Variants in INSC observed in about 807,000 individuals in gnomAD.
The protein encoded by INSC is protein inscuteable homolog.
INSC carries 67 observed loss-of-function variants against 58.6 expected under a neutral mutation model. That is an observed-to-expected ratio of 1.14 (90% CI 0.94 to 1.40). The LOEUF (loss-of-function observed/expected upper bound fraction) is 1.40, where lower values mean the gene tolerates loss of function less well. INSC is among the 40% of genes most tolerant of loss of function. The probability of loss-of-function intolerance (pLI) is 0.00; values close to 1 mark genes in which losing one functional copy is unlikely to be tolerated. For missense variants in INSC, 714 were observed against 692.0 expected (o/e 1.03, Z -0.36); for synonymous variants, 262 against 276.1 (o/e 0.95, Z 0.51).
chr11:15,207,753 C>CA (rs1200396016), intron 7 of INSC, among the ~76,000 whole-genome samples: 1 of 151,982 alleles, frequency 6.6e-6, no homozygotes, highest in Non-Finnish European at 1.5e-5. Flanking sequence ...TTAATTTTTG[C>CA]AAAAAATAAA....
intron 1 of INSC, among the ~76,000 whole-genome samples, chr11:15,120,985 A>G (rs1455774535): frequency 2.6e-5 from 4 of 151,464 alleles, no homozygotes; most frequent in Admixed American, 2.0e-4. Context: ...TATTATTTGC[A>G]TATATTTTTA....
At chr11:15,192,152 C>T (rs1192188051) in intron 6 of INSC, among the ~76,000 whole-genome samples, 2 of 152,206 alleles carry the variant, frequency 1.3e-5, no homozygotes, top group Admixed American at 6.5e-5. Flanking sequence ...TCTCCCTCTC[C>T]CAGGCTGAAG....
Position 15,238,864 on chromosome 11 carries a change from A to T in INSC, c.1238-55A>T. ...TGCAGCCATCTGTCCAGCTGGCCCCATGGGGAAGGCTCCATGCTGGGGTAG... is the reference window on the plus strand; with the variant it reads ...TGCAGCCATCTGTCCAGCTGGCCCCTTGGGGAAGGCTCCATGCTGGGGTAG... On this transcript the variant is annotated intron_variant, in intron 10 of 12. Transcript: ENST00000379556. 6 of 1,571,940 alleles carry T rather than the reference A, an allele frequency of 3.8e-6. No individual in the cohort carries two copies. In the South Asian group the frequency reaches 7.1e-5, roughly 19 times the overall value.
intron 7 of INSC, among the ~76,000 whole-genome samples, chr11:15,218,595 T>G (rs537238586): frequency 6.6e-6 from 1 of 152,272 alleles, no homozygotes; most frequent in East Asian, 1.9e-4. Flanking sequence ...TATATTTCCC[T>G]TTTGAAGGGA....
At chr11:15,235,705 A>G in intron 10 of INSC, 37 bp downstream of exon 10, 2 of 1,534,028 alleles carry the variant, frequency 1.3e-6, no homozygotes, top group Non-Finnish European at 1.8e-6. Flanking sequence ...TATGTGGATT[A>G]TCTGGATGTA....
At chr11:15,239,333 A>T (rs1392952429) in intron 11 of INSC, among the ~76,000 whole-genome samples, 1 of 152,142 alleles carries the variant, frequency 6.6e-6, no homozygotes, top group African/African-American at 2.4e-5. Flanking sequence ...TGTTAATAAG[A>T]ACCCCATTCT....
chr11:15,220,341 C>G (rs1851389974), intron 7 of INSC, among the ~76,000 whole-genome samples: 1 of 152,146 alleles, frequency 6.6e-6, no homozygotes, highest in African/African-American at 2.4e-5. Flanking sequence ...TGCTTGGTGG[C>G]ATGGTCCCCA....
chr11:15,134,373 T>G (rs1848193679), intron 1 of INSC, among the ~76,000 whole-genome samples: 1 of 152,196 alleles, frequency 6.6e-6, no homozygotes, highest in African/African-American at 2.4e-5. Context: ...TAGAATGACC[T>G]GACTATAGTA....
At position 15,178,184 on chromosome 11, in the gene INSC, A is replaced by C. The variant is rs186598847; in HGVS notation, c.456-140A>C. On this transcript the variant is annotated intron_variant, in intron 4 of 12. Transcript: ENST00000379556. ...GACCAGTGGGCAAGCCAGCTGTGGA[A>C]TATTCCATCTCTGACTCCCAGTTGC... The C allele has an allele frequency of 7.9e-6, 9 of 1,135,410 alleles. No homozygotes were observed. The Admixed American group carries it at 1.6e-4, about 20-fold the overall frequency. The allele number at this position is 1,135,410 out of a possible 1,614,324, so 70.3% of individuals were successfully genotyped here. A position where few individuals can be genotyped will look rare whatever the true frequency, so the allele number is the denominator to read the frequency against.
chr11:15,145,632 G>T (rs1281946797), intron 1 of INSC, among the ~76,000 whole-genome samples: 1 of 152,132 alleles, frequency 6.6e-6, no homozygotes, highest in Non-Finnish European at 1.5e-5. Context: ...TCCCTTTAGG[G>T]CCTATCTCTG....
chr11:15,221,769 A>G (rs1851451757), intron 8 of INSC, 121 bp downstream of exon 8: 1 of 865,154 alleles, frequency 1.2e-6, no homozygotes, highest in African/African-American at 1.7e-5. Context: ...TCCTGCATAG[A>G]TGATCATATT....
At position 15,177,168 on chromosome 11, in the gene INSC, A is replaced by G. The variant is rs1564886280; in HGVS notation, c.455+5A>G. The G allele has an allele frequency of 6.2e-7, 1 of 1,613,514 alleles. No homozygotes were observed. The highest frequency in any genetic ancestry group is 1.3e-5 in the African/African-American group (1 of 75,024). On this transcript the variant is annotated splice_donor_5th_base_variant and intron_variant, in intron 4 of 12. Transcript: ENST00000379556. ...GCTCTCGGCAGTCACAGAGAGGTAA[A>G]TTTGGACCATAGATCTCCCAGGGTC...
chr11:15,259,839 T>A, the INSC span, among the ~76,000 whole-genome samples: 1 of 152,206 alleles, frequency 6.6e-6, no homozygotes, highest in Non-Finnish European at 1.5e-5. Flanking sequence ...ATTGTCTACA[T>A]CTGATTATAA....
rs772048852 is a variant in INSC at position 15,235,626 on chromosome 11, T to C, written c.1195T>C (p.Ser399Pro). ...DQIVTILANM[S>P]VLEQCASDII... ...GATTGTGACCATCTTGGCAAACATGTCTGTCCTAGAACAGTGTGCCTCTGA... is the reference window on the plus strand; with the variant it reads ...GATTGTGACCATCTTGGCAAACATGCCTGTCCTAGAACAGTGTGCCTCTGA... Residue 399 changes from serine to proline, a missense_variant, in exon 10 of 13, where the codon TCT becomes CCT. Coordinates refer to ENST00000379556, the MANE Select transcript of INSC (RefSeq NM_001042536.3). 1 of 1,613,970 alleles carries C rather than the reference T, an allele frequency of 6.2e-7. No homozygotes were observed. Among genetic ancestry groups the C allele is most frequent in the Non-Finnish European group, 8.5e-7 (1 of 1,179,910 alleles).
chr11:15,269,671 CT>C, the INSC span, among the ~76,000 whole-genome samples: 1 of 151,938 alleles, frequency 6.6e-6, no homozygotes, highest in Non-Finnish European at 1.5e-5. Context: ...ATGATCTTGT[CT>C]ATCTCTGTTC....
intron 5 of INSC, among the ~76,000 whole-genome samples, chr11:15,189,051 A>G (rs888265511): frequency 2.0e-5 from 3 of 152,234 alleles, no homozygotes; most frequent in Non-Finnish European, 4.4e-5. Flanking sequence ...TTGATTAAAT[A>G]CACAATTAAT....
At chr11:15,142,233 T>C (rs1221813788) in intron 1 of INSC, among the ~76,000 whole-genome samples, 1 of 152,124 alleles carries the variant, frequency 6.6e-6, no homozygotes, top group African/African-American at 2.4e-5. Flanking sequence ...GGTGAAGAAG[T>C]CTTCTGTATT....
chr11:15,178,224 C>T lies in INSC; in HGVS notation c.456-100C>T, dbSNP rs993717377. 1.8e-5 allele frequency: 27 copies of T among 1,491,584 alleles called. No individual in the cohort carries two copies. In the African/African-American group the frequency reaches 3.3e-4, roughly 18 times the overall value. The allele number at this position is 1,491,584 out of a possible 1,614,324, so 92.4% of individuals were successfully genotyped here. ...CTCCCAGTTGCCAATGTCTTCAGCA[C>T]ACACCAGGCTTGTAGCAGGTCCAGT... On this transcript the variant is annotated intron_variant, in intron 4 of 12. Coordinates refer to ENST00000379556, the MANE Select transcript of INSC (RefSeq NM_001042536.3).
At chr11:15,124,814 A>T (rs1847952874) in intron 1 of INSC, among the ~76,000 whole-genome samples, 1 of 152,176 alleles carries the variant, frequency 6.6e-6, no homozygotes. Context: ...ATTAGATAAC[A>T]GCATCTTGGA....
Sources: allele counts gnomAD v4.1 joint callset (sites outside exome capture counted in the v4.1 genomes callset), GRCh38; gene constraint gnomAD v4.1.1; transcripts MANE v1.5; gene names NCBI Gene and HGNC (gene_info 2026-07-23, HGNC 2026-07-21).